Variants in ANXA8 observed in about 807,000 individuals in gnomAD.
The protein encoded by ANXA8 is annexin A8.
ANXA8 carries 9 observed loss-of-function variants against 26.8 expected under a neutral mutation model. The ratio of observed to expected loss-of-function variants is 0.34; its 90% CI spans 0.20 to 0.59. The LOEUF is 0.59. Among genes scored for constraint, ANXA8 ranks in the 20% least tolerant of loss-of-function variants. The pLI is 0.84. For missense variants in ANXA8, 83 were observed against 238.5 expected (o/e 0.35, Z 4.29); for synonymous variants, 39 against 94.8 (o/e 0.41, Z 3.42).
chr10:47,645,309 A>C, the ANXA8 span, among the ~76,000 whole-genome samples: 7 of 146,786 alleles, frequency 4.8e-5, no homozygotes, highest in Middle Eastern at 3.2e-3. Context: ...ATGTTTTAAC[A>C]TAAAGGTAGT....
At chr10:47,771,660 C>T in the ANXA8 span, among the ~76,000 whole-genome samples, 1 of 150,714 alleles carries the variant, frequency 6.6e-6, no homozygotes, top group Non-Finnish European at 1.5e-5. Flanking sequence ...TCACTGCAAC[C>T]TCTGCCTCCC....
the ANXA8 span, among the ~76,000 whole-genome samples, chr10:47,664,489 A>C: frequency 6.6e-6 from 1 of 151,436 alleles, no homozygotes; most frequent in Admixed American, 6.6e-5. Context: ...AATCGCTTGA[A>C]CTCGGGAGGC....
At chr10:47,698,665 C>A in the ANXA8 span, among the ~76,000 whole-genome samples, 1 of 152,066 alleles carries the variant, frequency 6.6e-6, no homozygotes, top group Non-Finnish European at 1.5e-5. Context: ...TATGGTGAAA[C>A]CTCATCTCTA....
chr10:47,640,630 TATG>T, the ANXA8 span, among the ~76,000 whole-genome samples: 4 of 105,478 alleles, frequency 3.8e-5, no homozygotes, highest in Admixed American at 4.0e-4. Context: ...CAGGATAGGA[TATG>T]ATATTACTCA....
the ANXA8 span, among the ~76,000 whole-genome samples, chr10:47,679,510 G>A: frequency 6.6e-6 from 1 of 152,014 alleles, no homozygotes; most frequent in Admixed American, 6.6e-5. Context: ...ACTTACTTGG[G>A]AGGCTGAGGT....
At chr10:47,582,339 A>C in the ANXA8 span, 3 of 156,206 alleles carry the variant, frequency 1.9e-5, no homozygotes, top group Admixed American at 6.4e-5. Context: ...AAATCTAGGA[A>C]GGGAAAAGAA....
At chr10:47,501,701 A>G in the ANXA8 span, among the ~76,000 whole-genome samples, 7 of 141,112 alleles carry the variant, frequency 5.0e-5, 1 homozygote, top group African/African-American at 1.8e-4. Flanking sequence ...AGAGCAAAAC[A>G]TCGTCCAAAA....
At chr10:47,644,525 A>C in the ANXA8 span, among the ~76,000 whole-genome samples, 1 of 152,088 alleles carries the variant, frequency 6.6e-6, no homozygotes. Flanking sequence ...GCAGGCCATA[A>C]TTTGCCAACC....
the ANXA8 span, among the ~76,000 whole-genome samples, chr10:47,639,508 G>A: frequency 6.6e-6 from 1 of 152,270 alleles, no homozygotes; most frequent in African/African-American, 2.4e-5. Flanking sequence ...AGTAGAGACG[G>A]GGTTTCACCG....
the ANXA8 span, among the ~76,000 whole-genome samples, chr10:47,626,864 C>G: frequency 6.7e-6 from 1 of 150,082 alleles, no homozygotes; most frequent in Admixed American, 6.6e-5. Context: ...GTTTAGATGA[C>G]TGACCATTTT....
the ANXA8 span, chr10:47,970,099 G>A: frequency 2.0e-5 from 3 of 151,560 alleles, no homozygotes; most frequent in African/African-American, 7.2e-5. Context: ...GTGTGCAGTG[G>A]AGAGATCCTG....
the ANXA8 span, among the ~76,000 whole-genome samples, chr10:47,682,469 C>CTTTCT: frequency 8.2e-6 from 1 of 121,650 alleles, no homozygotes; most frequent in African/African-American, 3.4e-5. Context: ...CTTTCTTTTT[C>CTTTCT]TTTTTTTTTT....
the ANXA8 span, chr10:47,491,745 G>T: frequency 1.3e-6 from 2 of 1,546,560 alleles, no homozygotes; most frequent in South Asian, 2.4e-5. Context: ...GCTGCCTCTG[G>T]TGCCTATCTA....
At chr10:47,621,575 T>C in the ANXA8 span, among the ~76,000 whole-genome samples, 1 of 110,546 alleles carries the variant, frequency 9.0e-6, no homozygotes, top group Non-Finnish European at 2.0e-5. Context: ...TCATCTATTG[T>C]TATTGGGTCT....
At chr10:47,470,344 C>G (rs1839296472) in intron 11 of ANXA8, among the ~76,000 whole-genome samples, 1 of 147,578 alleles carries the variant, frequency 6.8e-6, no homozygotes, top group African/African-American at 2.6e-5. Context: ...AGAAATCTCT[C>G]TGATGCCGTA....
chr10:47,900,666 GTTTT>G, the ANXA8 span, among the ~76,000 whole-genome samples: 1 of 105,608 alleles, frequency 9.5e-6, no homozygotes, highest in Non-Finnish European at 2.0e-5. Context: ...TGATAAAATG[GTTTT>G]TTTTTTTTTT....
chr10:47,552,252 T>C, the ANXA8 span, among the ~76,000 whole-genome samples: 26,314 of 149,184 alleles, frequency 0.18, 2,029 homozygotes, highest in East Asian at 0.47. Flanking sequence ...TATCTGTACT[T>C]TTCAGCCATT....
At chr10:47,940,601 G>A in the ANXA8 span, among the ~76,000 whole-genome samples, 1 of 147,618 alleles carries the variant, frequency 6.8e-6, no homozygotes, top group Non-Finnish European at 1.5e-5. Context: ...AGGCCGAGGA[G>A]GGTGGATCAT....
chr10:47,555,538 T>A, the ANXA8 span, among the ~76,000 whole-genome samples: 1 of 152,008 alleles, frequency 6.6e-6, no homozygotes, highest in Non-Finnish European at 1.5e-5. Context: ...AATCGGACTC[T>A]GACCAATACG....
Sources: gnomAD v4.1 joint callset for allele counts (sites outside exome capture counted in the v4.1 genomes callset) on GRCh38, gnomAD v4.1.1 for gene constraint, MANE v1.5 for transcripts, NCBI Gene and HGNC (gene_info 2026-07-23, HGNC 2026-07-21) for gene names.